The following SAMD3 variants were observed in gnomAD, a reference collection of about 807,000 sequenced individuals.
SAMD3 encodes sterile alpha motif domain containing 3.
In SAMD3, 63 loss-of-function variants were observed where a neutral mutation model predicts 58.5. That is an observed-to-expected ratio of 1.08 (90% CI 0.88 to 1.33). The LOEUF (loss-of-function observed/expected upper bound fraction) is 1.33, where lower values mean the gene tolerates loss of function less well. SAMD3 is among the 40% of genes most tolerant of loss of function. The probability of loss-of-function intolerance (pLI) is 0.00; values close to 1 mark genes in which losing one functional copy is unlikely to be tolerated. For synonymous variants in SAMD3, 220 were observed against 210.3 expected, an observed-to-expected ratio of 1.05 and a Z score of -0.40; for missense variants, 604 against 608.4, an observed-to-expected ratio of 0.99 and a Z score of 0.08.
chr6:130,249,437 C>T (rs1049791382), intron 2 of SAMD3, among the ~76,000 whole-genome samples: 7 of 152,084 alleles, frequency 4.6e-5, no homozygotes, highest in South Asian at 2.1e-4. Context: ...ATTATCTTAA[C>T]GTTTTGCAGC....
At chr6:130,259,746 A>G (rs1362018903) in intron 2 of SAMD3, among the ~76,000 whole-genome samples, 1 of 152,204 alleles carries the variant, frequency 6.6e-6, no homozygotes, top group African/African-American at 2.4e-5. Flanking sequence ...TCATGTGCAA[A>G]GTTATAGGAA....
At chr6:130,178,508 A>G (rs1791956143) in intron 7 of SAMD3, among the ~76,000 whole-genome samples, 2 of 152,190 alleles carry the variant, frequency 1.3e-5, no homozygotes, top group South Asian at 4.1e-4. Flanking sequence ...TCATGGGCCA[A>G]TGGGAATGAC....
chr6:130,308,363 C>CTATTCTATTCTATTCTATTCTATT (rs1775987130), intron 2 of SAMD3, among the ~76,000 whole-genome samples: 1 of 52,292 alleles, frequency 1.9e-5, no homozygotes, highest in African/African-American at 7.0e-5. Context: ...CTATTCTATT[C>CTATTCTATTCTATTCTATTCTATT]TATTCTATTC....
At chr6:130,350,164 G>A (rs1777606842) in intron 1 of SAMD3, among the ~76,000 whole-genome samples, 1 of 152,154 alleles carries the variant, frequency 6.6e-6, no homozygotes, top group African/African-American at 2.4e-5. Context: ...ACTGGCACAA[G>A]ACAGGGATGC....
chr6:130,178,165 G>A (rs1317651361), intron 7 of SAMD3, among the ~76,000 whole-genome samples: 1 of 151,012 alleles, frequency 6.6e-6, no homozygotes, highest in Non-Finnish European at 1.5e-5. Flanking sequence ...TAGTAGAGAC[G>A]AGGTTTCTCC....
At chr6:130,206,304 A>G (rs1795076384) in intron 5 of SAMD3, among the ~76,000 whole-genome samples, 1 of 152,176 alleles carries the variant, frequency 6.6e-6, no homozygotes, top group South Asian at 2.1e-4. Context: ...AGGCAGTCGT[A>G]TGCCAGGTAG....
chr6:130,303,401 T>G (rs1280294677), intron 2 of SAMD3, among the ~76,000 whole-genome samples: 1 of 152,188 alleles, frequency 6.6e-6, no homozygotes, highest in Non-Finnish European at 1.5e-5. Flanking sequence ...GGAGCCAATA[T>G]CTCCATTTAG....
chr6:130,154,365 AC>A (rs1789540593), intron 9 of SAMD3, among the ~76,000 whole-genome samples: 1 of 150,764 alleles, frequency 6.6e-6, no homozygotes, highest in African/African-American at 2.4e-5. Flanking sequence ...ACTGAGATTC[AC>A]CCCCACTGTC....
chr6:130,250,073 G>A (rs1479801709), intron 2 of SAMD3, among the ~76,000 whole-genome samples: 2 of 152,148 alleles, frequency 1.3e-5, no homozygotes, highest in African/African-American at 4.8e-5. Context: ...AGAGGCACAG[G>A]AGCCCCCAGA....
At chr6:130,230,731 G>A (rs534281436) in intron 2 of SAMD3, among the ~76,000 whole-genome samples, 1 of 152,240 alleles carries the variant, frequency 6.6e-6, no homozygotes, top group Middle Eastern at 3.4e-3. Flanking sequence ...TTCCTGTTTA[G>A]CTTGGCACAG....
intron 5 of SAMD3, among the ~76,000 whole-genome samples, chr6:130,195,277 C>A (rs896183259): frequency 7.9e-5 from 12 of 152,104 alleles, no homozygotes; most frequent in Admixed American, 2.6e-4. Flanking sequence ...CGATTATGCA[C>A]CCCTTACCAT....
intron 8 of SAMD3, chr6:130,159,999 A>T (rs181085918): frequency 6.6e-6 from 1 of 152,336 alleles, no homozygotes; most frequent in Non-Finnish European, 1.5e-5. Flanking sequence ...GGGTGAGTGG[A>T]AAAGAAATCA....
intron 1 of SAMD3, among the ~76,000 whole-genome samples, chr6:130,332,918 T>C (rs1185431689): frequency 6.6e-6 from 1 of 152,162 alleles, no homozygotes; most frequent in African/African-American, 2.4e-5. Flanking sequence ...AATTTTTATA[T>C]TGTAGCAGAA....
At chr6:130,231,129 A>C (rs1796533812) in intron 2 of SAMD3, among the ~76,000 whole-genome samples, 1 of 152,222 alleles carries the variant, frequency 6.6e-6, no homozygotes, top group South Asian at 2.1e-4. Context: ...GAGAATATAC[A>C]AGGAAAAATA....
chr6:130,362,539 A>G (rs2115048454), intron 1 of SAMD3, among the ~76,000 whole-genome samples: 1 of 152,362 alleles, frequency 6.6e-6, no homozygotes, highest in East Asian at 1.9e-4. Flanking sequence ...ATCCTTCAAC[A>G]GGCACAAATC....
intron 7 of SAMD3, chr6:130,176,316 A>C (rs1033111116): frequency 3.1e-6 from 1 of 325,166 alleles, no homozygotes; most frequent in Non-Finnish European, 5.7e-6. Flanking sequence ...TCTAATTCCC[A>C]AAAGTGATAC....
chr6:130,240,515 A>G (rs540304437), intron 2 of SAMD3, among the ~76,000 whole-genome samples: 1 of 152,330 alleles, frequency 6.6e-6, no homozygotes, highest in African/African-American at 2.4e-5. Flanking sequence ...GTCTAAATCA[A>G]TTTAGGAAAA....
intron 8 of SAMD3, among the ~76,000 whole-genome samples, chr6:130,175,408 G>A (rs1456332393): frequency 1.3e-5 from 2 of 152,160 alleles, no homozygotes; most frequent in African/African-American, 4.8e-5. Context: ...GGCCACAATG[G>A]AGTTTTGTAT....
At chr6:130,354,472 A>G (rs371109571) in intron 1 of SAMD3, among the ~76,000 whole-genome samples, 1 of 152,236 alleles carries the variant, frequency 6.6e-6, no homozygotes, top group Non-Finnish European at 1.5e-5. Flanking sequence ...GTACATATAC[A>G]CCATGGAATA....
Sources: allele counts gnomAD v4.1 joint callset (sites outside exome capture counted in the v4.1 genomes callset), GRCh38; gene constraint gnomAD v4.1.1; transcripts MANE v1.5; gene names NCBI Gene and HGNC (gene_info 2026-07-23, HGNC 2026-07-21).